The following SERPINB11 variants were observed in gnomAD, a reference collection of about 807,000 sequenced individuals.
SERPINB11 encodes the protein serpin family B member 11.
In SERPINB11, 32 loss-of-function variants were observed where a neutral mutation model predicts 36.7. That is an observed-to-expected ratio of 0.87 (90% CI 0.66 to 1.17). The LOEUF (loss-of-function observed/expected upper bound fraction) is 1.17. Ranked by LOEUF, SERPINB11 falls within the 50% of genes most tolerant of loss-of-function variation. The probability of loss-of-function intolerance (pLI) is 0.00; values close to 1 mark genes in which losing one functional copy is unlikely to be tolerated. For synonymous variants in SERPINB11, 174 were observed against 168.1 expected, an observed-to-expected ratio of 1.04 and a Z score of -0.27; for missense variants, 528 against 458.4, an observed-to-expected ratio of 1.15 and a Z score of -1.39.
chr18:63,710,556 AT>A (rs1473025142), intron 2 of SERPINB11, among the ~76,000 whole-genome samples, 195 bp downstream of exon 2: 1 of 152,260 alleles, frequency 6.6e-6, no homozygotes, highest in African/African-American at 2.4e-5. Context: ...AAACAATGTA[AT>A]ACAAGCAACG....
intron 1 of SERPINB11, chr18:63,705,391 G>T (rs1012326113): frequency 1.3e-5 from 2 of 152,168 alleles, no homozygotes; most frequent in African/African-American, 2.4e-5. Flanking sequence ...ATTTAAAAAT[G>T]CGTAAGATAA....
chr18:63,719,936 T>G, intron 5 of SERPINB11, 77 bp from the exon 6 acceptor site: 1 of 1,229,260 alleles, frequency 8.1e-7, no homozygotes, highest in Non-Finnish European at 1.1e-6. Context: ...GAAATGGCTC[T>G]AAATTTCTCA....
In SERPINB11 at chr18:63,716,081, C is replaced by G; in HGVS notation, c.404C>G (p.Thr135Ser). The change falls in exon 5 of 8, where the codon ACT (threonine) becomes AGT (serine). Residue 135 changes from threonine to serine, a missense_variant. Transcript: ENST00000544088. ...SEKWYQARLQ[T>S]VDFEQSTEET... ...AAATGGTATCAAGCCAGGTTGCAAACTGTGGATTTTGAACAGTCTACAGAA... is the reference window on the plus strand; with the variant it reads ...AAATGGTATCAAGCCAGGTTGCAAAGTGTGGATTTTGAACAGTCTACAGAA... 1 of 1,612,314 alleles carries G rather than the reference C, an allele frequency of 6.2e-7. No homozygotes were observed. The highest frequency in any genetic ancestry group is 2.2e-5 in the East Asian group (1 of 44,820).
chr18:63,723,587 G>T lies in SERPINB11; in HGVS notation c.*188G>T. 1 of 530,244 alleles carries T rather than the reference G, an allele frequency of 1.9e-6. No homozygotes were observed. Among genetic ancestry groups the T allele is most frequent in the Non-Finnish European group, 3.2e-6 (1 of 310,158 alleles). The allele number at this position is 530,244 out of a possible 1,614,324, so 32.8% of individuals were successfully genotyped here. The stretch of plus-strand genomic sequence containing the variant: ...TGAAGCTAAGGCTTTGTTAATCATG[G>T]AAAAAGGTAGATTTATGCAGAAAGC... On this transcript the variant is annotated 3_prime_UTR_variant, in exon 8 of 8. Transcript: ENST00000544088.
At chr18:63,720,604 A>C in intron 6 of SERPINB11, 9 of 417,916 alleles carry the variant, frequency 2.2e-5, no homozygotes, top group East Asian at 8.1e-5. Context: ...AGACCAAGCT[A>C]TCTCTATATA....
chr18:63,710,375 C>A lies in SERPINB11; in HGVS notation c.168+14C>A. The A allele has an allele frequency of 6.2e-7, 1 of 1,604,484 alleles. No individual in the cohort carries two copies. On this transcript the variant is annotated intron_variant, in intron 2 of 7. Coordinates refer to ENST00000544088, the MANE Select transcript of SERPINB11 (RefSeq NM_001370475.1). Reference sequence around the variant, plus strand: ...CAATTGGAGAAGGTATGGAATTCCTCAGAGGTTTGTTCAGAACCCAGAAGT... The same window carrying A: ...CAATTGGAGAAGGTATGGAATTCCTAAGAGGTTTGTTCAGAACCCAGAAGT...
chr18:63,723,009 GA>G lies in SERPINB11; in HGVS notation c.791del (p.Asn264IlefsTer14), dbSNP rs770074312. 5 of 1,573,636 alleles carry G rather than the reference GA, an allele frequency of 3.2e-6. No individual in the cohort carries two copies. Among genetic ancestry groups the G allele is most frequent in the East Asian group, 4.5e-5 (2 of 44,652 alleles). ...ANLKQIEKQL[N>X]SGTFHEWTSS... ...TTGTCTCTTAGATAGAAAAGCAGCT[GA>G]ATTCGGGGACGTTTCATGAGTGGAC... On this transcript the variant is annotated frameshift_variant, in exon 8 of 8. Transcript: ENST00000544088. LOFTEE classifies it low-confidence loss of function (END_TRUNC).
At chr18:63,709,299 G>A (rs897243340) in intron 1 of SERPINB11, among the ~76,000 whole-genome samples, 1 of 152,086 alleles carries the variant, frequency 6.6e-6, no homozygotes, top group Admixed American at 6.6e-5. Flanking sequence ...AGGGAATGAG[G>A]TCCCACTGAG....
intron 7 of SERPINB11, among the ~76,000 whole-genome samples, chr18:63,722,726 T>G (rs1193593862): frequency 6.6e-6 from 1 of 152,304 alleles, no homozygotes; most frequent in African/African-American, 2.4e-5. Flanking sequence ...AGAAGTGCAG[T>G]GAAGCATGTA....
intron 1 of SERPINB11, among the ~76,000 whole-genome samples, chr18:63,709,283 G>T (rs1429106026): frequency 6.6e-6 from 1 of 152,080 alleles, no homozygotes; most frequent in Non-Finnish European, 1.5e-5. Flanking sequence ...TTTCATGGAG[G>T]GATACAGGGA....
At chr18:63,707,803 TA>T (rs1310908143) in intron 1 of SERPINB11, among the ~76,000 whole-genome samples, 2 of 152,258 alleles carry the variant, frequency 1.3e-5, no homozygotes, top group Middle Eastern at 6.8e-3. Context: ...GATGCTGGAA[TA>T]AAACATAAAA....
In SERPINB11 at chr18:63,719,999, A is replaced by AT. The variant is rs1568187632; in HGVS notation, c.476-8dup. 2 of 1,582,944 alleles carry AT rather than the reference A, an allele frequency of 1.3e-6. No homozygotes were observed. Among genetic ancestry groups the AT allele is most frequent in the Non-Finnish European group, 1.7e-6 (2 of 1,166,154 alleles). On this transcript the variant is annotated splice_polypyrimidine_tract_variant and intron_variant, in intron 5 of 7. Coordinates refer to ENST00000544088, the MANE Select transcript of SERPINB11 (RefSeq NM_001370475.1). ...GTTCAAATCCAAATATAATTATCTT[A>AT]TTTTTTATACAAGGAAAAGTCGCAA...
chr18:63,714,588 G>A (rs1160036930), intron 4 of SERPINB11, among the ~76,000 whole-genome samples: 3 of 152,040 alleles, frequency 2.0e-5, no homozygotes, highest in Non-Finnish European at 4.4e-5. Context: ...TCTCAGGGCT[G>A]TTCCTTGCTG....
In SERPINB11 at chr18:63,710,201, C is replaced by A. The variant is rs1914480546; in HGVS notation, c.8C>A (p.Ser3Tyr). The A allele has an allele frequency of 3.7e-6, 6 of 1,604,782 alleles. No individual in the cohort carries two copies. The highest frequency in any genetic ancestry group is 5.1e-6 in the Non-Finnish European group (6 of 1,176,050). ...CAGGCAGTCGGCATAAAAATGGGTTCTCTCAGCACAGCTAACGTTGAATTT... is the reference window on the plus strand; with the variant it reads ...CAGGCAGTCGGCATAAAAATGGGTTATCTCAGCACAGCTAACGTTGAATTT... MG[S>Y]LSTANVEFCL... Residue 3 changes from serine to tyrosine, a missense_variant, in exon 2 of 8, where the codon TCT (serine) becomes TAT (tyrosine). Coordinates refer to ENST00000544088, the MANE Select transcript of SERPINB11 (RefSeq NM_001370475.1).
Position 63,716,054 on chromosome 18 carries a change from A to C in SERPINB11, c.377A>C (p.Glu126Ala). The C allele has an allele frequency of 6.2e-7, 1 of 1,610,028 alleles. No homozygotes were observed. Among genetic ancestry groups the C allele is most frequent in the Non-Finnish European group, 8.5e-7 (1 of 1,177,292 alleles). ...AFHQQYLSCS[E>A]KWYQARLQTV... The stretch of plus-strand genomic sequence containing the variant: ...TCATAGCAATATTTAAGCTGTTCTG[A>C]GAAATGGTATCAAGCCAGGTTGCAA... The change falls in exon 5 of 8, where the codon GAG (glutamate) becomes GCG (alanine). Residue 126 changes from glutamate (E) to alanine (A), a missense_variant. Coordinates refer to ENST00000544088, the MANE Select transcript of SERPINB11 (RefSeq NM_001370475.1).
At chr18:63,722,864 G>C (rs1417089681) in intron 7 of SERPINB11, 131 bp from the exon 8 acceptor site, 1 of 878,296 alleles carries the variant, frequency 1.1e-6, no homozygotes, top group Non-Finnish European at 1.7e-6. Flanking sequence ...TCCCAGGTAA[G>C]TAGACTGTAT....
In SERPINB11 at chr18:63,712,632, C is replaced by A; in HGVS notation, c.296C>A (p.Ser99Tyr). The change falls in exon 4 of 8, where the codon TCT becomes TAT. Residue 99 changes from serine (S) to tyrosine (Y), a missense_variant. Coordinates refer to ENST00000544088, the MANE Select transcript of SERPINB11 (RefSeq NM_001370475.1). ...VEFSQINQPDSNCTLSIANRL... is the reference protein window; with the variant it reads ...VEFSQINQPDYNCTLSIANRL... ...TTCTCTCAAATCAACCAGCCAGACTCTAACTGTACCCTCAGCATTGCCAAC... is the reference window on the plus strand; with the variant it reads ...TTCTCTCAAATCAACCAGCCAGACTATAACTGTACCCTCAGCATTGCCAAC... 1.2e-6 allele frequency: 2 copies of A among 1,613,846 alleles called. No homozygotes were observed. Among genetic ancestry groups the A allele is most frequent in the Non-Finnish European group, 1.7e-6 (2 of 1,179,744 alleles).
At position 63,723,262 on chromosome 18, in the gene SERPINB11, G is replaced by A. The variant is rs1598970747; in HGVS notation, c.1042G>A (p.Ala348Thr). 6.2e-7 allele frequency: 1 copy of A among 1,613,976 alleles called. No homozygotes were observed. Among genetic ancestry groups the A allele is most frequent in the Non-Finnish European group, 8.5e-7 (1 of 1,179,872 alleles). ...CAGCGAAGAGGGCACGGAGGCAGCA[G>A]CAGCCACTGGGGACAGCATCGCTGT... is the stretch of plus-strand genomic sequence containing the variant. ...DVSEEGTEAA[A>T]ATGDSIAVKS... The change falls in exon 8 of 8, where the codon GCA (alanine) becomes ACA (threonine). Residue 348 changes from alanine (A) to threonine (T), a missense_variant. Ala to Thr is a moderately conservative substitution (Grantham distance 58). Coordinates refer to ENST00000544088, the MANE Select transcript of SERPINB11 (RefSeq NM_001370475.1).
chr18:63,707,010 C>A (rs553490347), intron 1 of SERPINB11, among the ~76,000 whole-genome samples: 1 of 152,154 alleles, frequency 6.6e-6, no homozygotes, highest in African/African-American at 2.4e-5. Flanking sequence ...TTTCTAGAAG[C>A]CTTCCAGCAA....
Sources: allele counts gnomAD v4.1 joint callset (sites outside exome capture counted in the v4.1 genomes callset), GRCh38; gene constraint gnomAD v4.1.1; transcripts MANE v1.5; gene names NCBI Gene and HGNC (gene_info 2026-07-23, HGNC 2026-07-21).